PPIH: variants seen among roughly 807,000 people sequenced by gnomAD.
The protein encoded by PPIH is peptidylprolyl isomerase H, also known as peptidyl-prolyl cis-trans isomerase H.
In PPIH, 16 loss-of-function variants were observed where a neutral mutation model predicts 27.6. The ratio of observed to expected loss-of-function variants is 0.58; its 90% confidence interval spans 0.39 to 0.88. The LOEUF (loss-of-function observed/expected upper bound fraction) is 0.88. Ranked by LOEUF, PPIH falls within the 40% of genes least tolerant of loss-of-function variation. PPIH has a pLI of 0.00. For missense variants in PPIH, 155 were observed against 224.1 expected (o/e 0.69, Z 1.97); for synonymous variants, 63 against 76.1 (o/e 0.83, Z 0.90).
rs910731316 is a variant in PPIH at position 42,659,219 on chromosome 1, C to T, written c.132-9C>T. The T allele has an allele frequency of 3.7e-6, 6 of 1,612,466 alleles. No individual in the cohort carries two copies. Among genetic ancestry groups the T allele is most frequent in the South Asian group, 2.2e-5 (2 of 90,806 alleles). On this transcript the variant is annotated splice_polypyrimidine_tract_variant and intron_variant, in intron 2 of 9. Transcript: ENST00000304979. ...AGTGATTGAATCATTCATTTTTTGT[C>T]CCTTTCAGGCAGTTCTGCACCGGAG...
chr1:42,679,193 A>G (rs918935873), downstream of PPIH, among the ~76,000 whole-genome samples: 7 of 152,130 alleles, frequency 4.6e-5, no homozygotes, highest in African/African-American at 1.7e-4. Context: ...GGTGGCTACA[A>G]GAAAATTATT....
At chr1:42,663,404 T>C (rs78676038) in intron 5 of PPIH, among the ~76,000 whole-genome samples, 6,374 of 141,872 alleles carry the variant, frequency 0.045, 182 homozygotes, top group African/African-American at 0.075. Context: ...AATTCAGATC[T>C]TTTTTTTTTT....
chr1:42,676,142 C>A (rs1649870160), intron 9 of PPIH, among the ~76,000 whole-genome samples: 2 of 152,134 alleles, frequency 1.3e-5, no homozygotes, highest in African/African-American at 2.4e-5. Flanking sequence ...ACCTGTTCTA[C>A]CCTTTTGGGA....
intron 6 of PPIH, 25 bp from the exon 7 acceptor site, chr1:42,665,955 T>C: frequency 6.3e-7 from 1 of 1,598,376 alleles, no homozygotes; most frequent in Admixed American, 1.7e-5. Context: ...GGAAACTTAC[T>C]GCAGGTATAT....
At chr1:42,658,746 C>G in intron 1 of PPIH, 98 bp from the exon 2 acceptor site, 2 of 1,397,296 alleles carry the variant, frequency 1.4e-6, no homozygotes, top group Non-Finnish European at 2.0e-6. Context: ...TGGGAGATAC[C>G]GAGCGGCAGG....
chr1:42,663,448 G>A (rs1446719625), intron 5 of PPIH, among the ~76,000 whole-genome samples: 10 of 151,990 alleles, frequency 6.6e-5, no homozygotes, highest in Admixed American at 3.9e-4. Context: ...CCAGGCTGGG[G>A]TGCAGTGGTG....
At chr1:42,667,871 T>G (rs908677176) in intron 9 of PPIH, among the ~76,000 whole-genome samples, 6 of 152,210 alleles carry the variant, frequency 3.9e-5, no homozygotes, top group African/African-American at 1.4e-4. Context: ...TCATCAGAAC[T>G]GATACTGCAA....
At chr1:42,659,135 T>C in intron 2 of PPIH, 93 bp from the exon 3 acceptor site, 1 of 1,568,270 alleles carries the variant, frequency 6.4e-7, no homozygotes, top group South Asian at 1.2e-5. Context: ...TTGGTGGACT[T>C]GCTGGCTCCA....
chr1:42,672,869 A>T (rs1171664200), intron 9 of PPIH, among the ~76,000 whole-genome samples: 1 of 152,060 alleles, frequency 6.6e-6, no homozygotes, highest in African/African-American at 2.4e-5. Flanking sequence ...GGCTCGTCTC[A>T]AACTCCTGAT....
At chr1:42,661,067 T>C in intron 5 of PPIH, 163 bp downstream of exon 5, 1 of 635,720 alleles carries the variant, frequency 1.6e-6, no homozygotes, top group East Asian at 2.8e-5. Context: ...TTCTTGAAAG[T>C]GGCTGGGTAC....
At chr1:42,664,713 G>A (rs1570387784) in intron 5 of PPIH, 150 bp from the exon 6 acceptor site, 1 of 603,358 alleles carries the variant, frequency 1.7e-6, no homozygotes, top group East Asian at 3.1e-5. Context: ...TGATTGCAGG[G>A]TGGGGTCAAA....
chr1:42,672,351 C>G (rs1444393206), intron 9 of PPIH, among the ~76,000 whole-genome samples: 6 of 151,502 alleles, frequency 4.0e-5, no homozygotes, highest in African/African-American at 1.5e-4. Flanking sequence ...GGATAAGAGT[C>G]TATCTTTTAA....
intron 4 of PPIH, among the ~76,000 whole-genome samples, chr1:42,660,162 C>T (rs1648925720): frequency 6.6e-6 from 1 of 152,196 alleles, no homozygotes; most frequent in African/African-American, 2.4e-5. Flanking sequence ...GGGGTAATAG[C>T]TAACAGTTGT....
intron 9 of PPIH, among the ~76,000 whole-genome samples, chr1:42,671,010 G>T (rs938870508): frequency 6.6e-6 from 1 of 152,074 alleles, no homozygotes; most frequent in African/African-American, 2.4e-5. Context: ...TAGCCATGCT[G>T]GTCTTGAACT....
rs566042637 is a variant in PPIH at position 42,669,304 on chromosome 1, G to C, written c.*21+1864G>C. Among the ~76,000 whole-genome samples the C allele has an allele frequency of 7.9e-5, 12 of 152,110 alleles. No individual in the cohort carries two copies. In the South Asian group the frequency reaches 2.5e-3, roughly 32 times the overall value. Reference sequence around the variant, plus strand: ...TATGAAGCTTTTTGAGCACTAACATGACATTAGAAGTGGAAAATTCCACAC... The same window carrying C: ...TATGAAGCTTTTTGAGCACTAACATCACATTAGAAGTGGAAAATTCCACAC... On this transcript the variant is annotated intron_variant, in intron 9 of 9. Transcript: ENST00000304979.
At chr1:42,673,016 A>C (rs1285935137) in intron 9 of PPIH, among the ~76,000 whole-genome samples, 2 of 150,482 alleles carry the variant, frequency 1.3e-5, no homozygotes, top group Non-Finnish European at 1.5e-5. Flanking sequence ...TTTTTTTTAG[A>C]CAGGGTCTTA....
At chr1:42,670,555 GAACTTTT>G (rs1649573036) in intron 9 of PPIH, among the ~76,000 whole-genome samples, 4 of 151,796 alleles carry the variant, frequency 2.6e-5, no homozygotes, top group Non-Finnish European at 5.9e-5. Context: ...AAAGTTATAT[GAACTTTT>G]GCTTCCAAGA....
At chr1:42,659,982 A>G (rs1032499291) in intron 4 of PPIH, among the ~76,000 whole-genome samples, 16 of 152,184 alleles carry the variant, frequency 1.1e-4, no homozygotes, top group African/African-American at 3.9e-4. Context: ...TCAATATAGA[A>G]TCTTTCTCAT....
chr1:42,679,480 G>A (rs545257169), downstream of PPIH, among the ~76,000 whole-genome samples: 6 of 152,354 alleles, frequency 3.9e-5, no homozygotes, highest in African/African-American at 1.4e-4. Flanking sequence ...ACCGTGCCTG[G>A]CTGCAAACTA....
Sources: allele counts gnomAD v4.1 joint callset (sites outside exome capture counted in the v4.1 genomes callset), GRCh38; gene constraint gnomAD v4.1.1; transcripts MANE v1.5; gene names NCBI Gene and HGNC (gene_info 2026-07-23, HGNC 2026-07-21).